Variants in VWA3B observed in about 807,000 individuals in gnomAD.
VWA3B encodes von Willebrand factor A domain containing 3B.
In VWA3B, 138 loss-of-function variants were observed where a neutral mutation model predicts 158.3. The observed-to-expected ratio is 0.87, with a 90% confidence interval of 0.76 to 1.00. VWA3B has a LOEUF of 1.00. Ranked by LOEUF, VWA3B falls within the 50% of genes least tolerant of loss-of-function variation. VWA3B has a pLI of 0.00. For synonymous variants in VWA3B, 596 were observed against 587.3 expected, an observed-to-expected ratio of 1.01 and a Z score of -0.21; for missense variants, 1,555 against 1,565.1, an observed-to-expected ratio of 0.99 and a Z score of 0.11.
At chr2:98,303,402 A>T (rs375414585) in intron 25 of VWA3B, among the ~76,000 whole-genome samples, 10 of 69,542 alleles carry the variant, frequency 1.4e-4, no homozygotes, top group Admixed American at 3.3e-4. Flanking sequence ...AAAGATAGAA[A>T]GGAAGGTGGT....
chr2:98,255,180 ATATT>A lies in VWA3B; in HGVS notation c.2793-942_2793-939del, dbSNP rs1156550833. ...AGTCGCCCGCCACCACGCCCGGCTG[ATATT>A]TTTTTTTTTTTTTTTTTTTTTTTTT... is the stretch of plus-strand genomic sequence containing the variant. On this transcript the variant is annotated intron_variant, in intron 20 of 27. Transcript: ENST00000477737. Among the ~76,000 whole-genome samples the A allele has an allele frequency of 4.6e-5, 3 of 65,904 alleles. 1 individual carries two copies. The highest frequency in any genetic ancestry group is 2.0e-4 in the African/African-American group (3 of 15,250). The allele number at this position is 65,904 out of a possible 152,430, so 43.2% of individuals were successfully genotyped here.
rs571348573 is a variant in VWA3B at position 98,180,280 on chromosome 2, C to T, written c.1115-736C>T. 1.6e-4 allele frequency among the ~76,000 whole-genome samples: 24 copies of T among 152,208 alleles called. No homozygotes were observed. In the Middle Eastern group the frequency reaches 0.01, roughly 65 times the overall value. On this transcript the variant is annotated intron_variant, in intron 8 of 27. Transcript: ENST00000477737. Reference sequence around the variant, plus strand: ...TGCATTCTCGGCTCACCGCAACCTCCGCCTCCCAGGTTGAAGCAGTTCTGC... The same window carrying T: ...TGCATTCTCGGCTCACCGCAACCTCTGCCTCCCAGGTTGAAGCAGTTCTGC...
At chr2:98,286,082 T>C (rs1689150442) in intron 22 of VWA3B, among the ~76,000 whole-genome samples, 1 of 152,048 alleles carries the variant, frequency 6.6e-6, no homozygotes, top group African/African-American at 2.4e-5. Flanking sequence ...TGCTCATTGC[T>C]AATACATAGA....
At chr2:98,216,985 C>CCT in intron 13 of VWA3B, 1 of 1,245,396 alleles carries the variant, frequency 8.0e-7, no homozygotes, top group African/African-American at 1.8e-5. Context: ...TGTAAGCACC[C>CCT]GCCCCGCACC....
At chr2:98,095,912 T>G (rs1682677236) in intron 2 of VWA3B, among the ~76,000 whole-genome samples, 1 of 152,256 alleles carries the variant, frequency 6.6e-6, no homozygotes, top group Admixed American at 6.5e-5. Context: ...GTTAATATGA[T>G]GTATCCCATT....
At chr2:98,096,475 G>C (rs921034810) in intron 2 of VWA3B, among the ~76,000 whole-genome samples, 1 of 151,950 alleles carries the variant, frequency 6.6e-6, no homozygotes, top group Non-Finnish European at 1.5e-5. Flanking sequence ...CACCATGTTG[G>C]TCAGGCTGGT....
At position 98,183,981 on chromosome 2, in the gene VWA3B, C is replaced by CT. The variant is rs377556297; in HGVS notation, c.1311+2772dup. 4.2e-3 allele frequency among the ~76,000 whole-genome samples: 637 copies of CT among 152,344 alleles called. 4 individuals are homozygous for CT. The highest frequency in any genetic ancestry group is 0.015 in the African/African-American group (611 of 41,584). ...TGAGCATTTATGGAACGCTTCTATG[C>CT]TTTATATTCAAGGTAAACATTTGTG... On this transcript the variant is annotated intron_variant, in intron 9 of 27. Transcript: ENST00000477737.
At chr2:98,320,705 G>T in the VWA3B span, among the ~76,000 whole-genome samples, 1 of 152,168 alleles carries the variant, frequency 6.6e-6, no homozygotes, top group Non-Finnish European at 1.5e-5. Context: ...GAAATTGAGA[G>T]AGATGATTTA....
At chr2:98,268,749 A>G (rs1469479076) in intron 21 of VWA3B, among the ~76,000 whole-genome samples, 1 of 151,138 alleles carries the variant, frequency 6.6e-6, no homozygotes, top group Admixed American at 6.6e-5. Flanking sequence ...TTAAATTCTG[A>G]TACCCAGATT....
chr2:98,303,225 C>T (rs888910715), intron 25 of VWA3B, among the ~76,000 whole-genome samples: 5 of 149,346 alleles, frequency 3.3e-5, no homozygotes, highest in Non-Finnish European at 7.4e-5. Context: ...ACCTACAGGA[C>T]ATGGGGCCCT....
the VWA3B span, among the ~76,000 whole-genome samples, chr2:98,322,116 A>C: frequency 1.3e-5 from 2 of 152,186 alleles, no homozygotes; most frequent in Non-Finnish European, 2.9e-5. Context: ...AGCCATGTGG[A>C]ACTGTGAGTC....
intron 1 of VWA3B, among the ~76,000 whole-genome samples, chr2:98,092,820 A>G (rs1305238569): frequency 0.014 from 850 of 62,254 alleles, 10 homozygotes; most frequent in African/African-American, 0.044. Context: ...GTTTTTGTAT[A>G]TATATATATA....
At chr2:98,258,656 A>C (rs1235382116) in intron 21 of VWA3B, among the ~76,000 whole-genome samples, 1 of 151,820 alleles carries the variant, frequency 6.6e-6, no homozygotes. Context: ...TGGTACATAA[A>C]AACACAGCTG....
chr2:98,323,365 T>C, the VWA3B span, among the ~76,000 whole-genome samples: 4 of 151,554 alleles, frequency 2.6e-5, no homozygotes, highest in Admixed American at 2.6e-4. Context: ...ATTGATAAAA[T>C]TTACTCAATC....
At chr2:98,274,454 T>C (rs1393433031) in intron 22 of VWA3B, among the ~76,000 whole-genome samples, 1 of 152,092 alleles carries the variant, frequency 6.6e-6, no homozygotes, top group Non-Finnish European at 1.5e-5. Flanking sequence ...TAGGGAAGGC[T>C]TCACTAATCC....
At chr2:98,283,143 G>A (rs1688980443) in intron 22 of VWA3B, among the ~76,000 whole-genome samples, 1 of 152,222 alleles carries the variant, frequency 6.6e-6, no homozygotes, top group Non-Finnish European at 1.5e-5. Context: ...AGACGAAAGA[G>A]GGCTAGTTAA....
chr2:98,251,272 A>G (rs1384498811), intron 20 of VWA3B, among the ~76,000 whole-genome samples: 1 of 152,164 alleles, frequency 6.6e-6, no homozygotes, highest in Admixed American at 6.5e-5. Flanking sequence ...AGATCTGTAA[A>G]GTTTTCCTTT....
In VWA3B at chr2:98,211,962, G is replaced by A; in HGVS notation, c.1770G>A (p.Leu590=). The A allele has an allele frequency of 1.2e-6, 2 of 1,614,106 alleles. No homozygotes were observed. Among genetic ancestry groups the A allele is most frequent in the East Asian group, 2.2e-5 (1 of 44,880 alleles). Reference sequence around the variant, plus strand: ...GCTCCACAAACACCCTGAGTGCCCTGAAAACTGCTTTTGCTGATAAAGAAA... The same window carrying A: ...GCTCCACAAACACCCTGAGTGCCCTAAAAACTGCTTTTGCTGATAAAGAAA... The part of the protein sequence containing the change: ...IGSSTNTLSA[L]KTAFADKETQ... The change falls in exon 13 of 28, where the codon CTG becomes CTA. Residue 590 remains leucine, a synonymous_variant. Coordinates refer to ENST00000477737, the MANE Select transcript of VWA3B (RefSeq NM_144992.5).
At chr2:98,287,130 TTCTTTCTGAGTG>T (rs1689213897) in intron 22 of VWA3B, among the ~76,000 whole-genome samples, 1 of 152,176 alleles carries the variant, frequency 6.6e-6, no homozygotes, top group Non-Finnish European at 1.5e-5. Flanking sequence ...AATTTTTGTA[TTCTTTCTGAGTG>T]TTAGGATTTC....
Sources: gnomAD v4.1 joint callset for allele counts (sites outside exome capture counted in the v4.1 genomes callset) on GRCh38, gnomAD v4.1.1 for gene constraint, MANE v1.5 for transcripts, NCBI Gene and HGNC (gene_info 2026-07-23, HGNC 2026-07-21) for gene names.